CADM1: variants seen among roughly 807,000 people sequenced by gnomAD.
The protein encoded by CADM1 is cell adhesion molecule 1.
CADM1 carries 15 observed loss-of-function variants against 53.1 expected under a neutral mutation model. The ratio of observed to expected loss-of-function variants is 0.28; its 90% CI spans 0.19 to 0.44. CADM1 has a LOEUF of 0.44. Ranked by LOEUF, CADM1 falls within the 20% of genes least tolerant of loss-of-function variation. The pLI is 1.00. For missense variants in CADM1, 434 were observed against 611.3 expected (o/e 0.71, Z 3.06); for synonymous variants, 281 against 243.0 (o/e 1.16, Z -1.45).
chr11:115,408,622 T>A (rs946980623), intron 1 of CADM1, among the ~76,000 whole-genome samples: 3 of 152,182 alleles, frequency 2.0e-5, no homozygotes, highest in Admixed American at 6.5e-5. Flanking sequence ...CATATTACAT[T>A]ACAAAGGTTC....
At chr11:115,216,068 C>T in intron 6 of CADM1, among the ~76,000 whole-genome samples, 1 of 152,216 alleles carries the variant, frequency 6.6e-6, no homozygotes, top group East Asian at 1.9e-4. Context: ...GCCTGGCAAT[C>T]AGACGTAATG....
At position 115,176,213 on chromosome 11, in the gene CADM1, CA is replaced by C; in HGVS notation, c.*260del. ...TTCTGCAATCTACTGAAACTAAATC[CA>C]AGTATCCAAGTTTGACTTGGTAGGA... On this transcript the variant is annotated 3_prime_UTR_variant, in exon 12 of 12. Transcript: ENST00000331581. The C allele has an allele frequency of 1.6e-6, 2 of 1,229,668 alleles. No individual in the cohort carries two copies. The highest frequency in any genetic ancestry group is 2.1e-6 in the Non-Finnish European group (2 of 970,948). The allele number at this position is 1,229,668 out of a possible 1,614,324, so 76.2% of individuals were successfully genotyped here. A position where few individuals can be genotyped will look rare whatever the true frequency, so the allele number is the denominator to read the frequency against.
intron 1 of CADM1, among the ~76,000 whole-genome samples, chr11:115,435,237 A>G (rs987940956): frequency 6.6e-6 from 1 of 152,122 alleles, no homozygotes; most frequent in African/African-American, 2.4e-5. Flanking sequence ...TAAAGCTTCC[A>G]ATTAAGCAAC....
At chr11:115,231,596 C>T in intron 3 of CADM1, 106 bp from the exon 4 acceptor site, 6 of 1,040,022 alleles carry the variant, frequency 5.8e-6, no homozygotes, top group Non-Finnish European at 9.0e-6. Flanking sequence ...TTTAAATCAT[C>T]ACAAGAGGCG....
chr11:115,409,147 A>G (rs1018916253), intron 1 of CADM1, among the ~76,000 whole-genome samples: 5 of 152,236 alleles, frequency 3.3e-5, no homozygotes, highest in African/African-American at 1.2e-4. Context: ...CAAAAGCCAG[A>G]TAAGAAAGAA....
chr11:115,487,325 A>G (rs1949397027), intron 1 of CADM1, among the ~76,000 whole-genome samples: 1 of 152,228 alleles, frequency 6.6e-6, no homozygotes, highest in South Asian at 2.1e-4. Context: ...TTATAAGTAC[A>G]TTATATATTC....
chr11:115,274,929 G>A (rs940154877), intron 1 of CADM1, among the ~76,000 whole-genome samples: 1 of 152,036 alleles, frequency 6.6e-6, no homozygotes, highest in Non-Finnish European at 1.5e-5. Context: ...CCCTTCCCAC[G>A]AATTTGTCTC....
chr11:115,448,192 A>C (rs1039601467), intron 1 of CADM1, among the ~76,000 whole-genome samples: 8 of 152,170 alleles, frequency 5.3e-5, no homozygotes, highest in African/African-American at 1.9e-4. Context: ...TCTCATCCCT[A>C]TTCTTAAAAG....
At chr11:115,442,928 A>G (rs1948356088) in intron 1 of CADM1, among the ~76,000 whole-genome samples, 1 of 152,220 alleles carries the variant, frequency 6.6e-6, no homozygotes, top group Admixed American at 6.5e-5. Flanking sequence ...TTATAAGCTT[A>G]CTTGCATATT....
At chr11:115,211,276 G>C (rs1299911336) in intron 7 of CADM1, among the ~76,000 whole-genome samples, 4 of 151,890 alleles carry the variant, frequency 2.6e-5, no homozygotes, top group Admixed American at 1.3e-4. Context: ...AATGAACCAA[G>C]TGCACTGACC....
intron 1 of CADM1, among the ~76,000 whole-genome samples, chr11:115,475,921 A>G (rs1390489316): frequency 6.6e-6 from 1 of 152,220 alleles, no homozygotes; most frequent in Non-Finnish European, 1.5e-5. Context: ...TACCCAAAAA[A>G]AGTAAATTTC....
intron 1 of CADM1, among the ~76,000 whole-genome samples, chr11:115,431,855 G>A (rs896997309): frequency 1.1e-4 from 17 of 151,922 alleles, no homozygotes; most frequent in African/African-American, 3.4e-4. Context: ...TCTCCTCCAT[G>A]ACACTTGTAT....
intron 9 of CADM1, 81 bp downstream of exon 9, chr11:115,198,325 G>A (rs1220794408): frequency 9.8e-7 from 1 of 1,021,594 alleles, no homozygotes; most frequent in Admixed American, 2.0e-5. Flanking sequence ...TTCCCTTGAA[G>A]ACTACATTTC....
intron 1 of CADM1, among the ~76,000 whole-genome samples, chr11:115,346,890 T>A (rs1945593057): frequency 6.6e-6 from 1 of 151,976 alleles, no homozygotes; most frequent in Non-Finnish European, 1.5e-5. Flanking sequence ...TTGACCCAGA[T>A]CAGACTATGT....
intron 1 of CADM1, among the ~76,000 whole-genome samples, chr11:115,281,339 A>G (rs977006109): frequency 2.0e-5 from 3 of 150,782 alleles, no homozygotes; most frequent in South Asian, 4.1e-4. Context: ...AATTCAGCCA[A>G]AAGAGTTTAA....
Position 115,199,997 on chromosome 11 carries a change from G to T in CADM1, c.1079-1559C>A, listed in dbSNP as rs535205470. Among the ~76,000 whole-genome samples the T allele has an allele frequency of 7.9e-4, 121 of 152,260 alleles. 1 individual carries two copies. Among genetic ancestry groups the T allele is most frequent in the African/African-American group, 2.8e-3 (117 of 41,554 alleles). The stretch of plus-strand genomic sequence containing the variant: ...CTTCTGATGTATAAATGTGACACAT[G>T]AATTCACACCGGCATTCCCCTTCAG... On this transcript the variant is annotated intron_variant, in intron 8 of 11. Transcript: ENST00000331581.
chr11:115,503,488 G>T (rs1949778172), intron 1 of CADM1, among the ~76,000 whole-genome samples: 1 of 152,120 alleles, frequency 6.6e-6, no homozygotes, highest in Non-Finnish European at 1.5e-5. Flanking sequence ...GTCCCCACTC[G>T]TGGCAGAGGA....
chr11:115,300,082 T>C (rs759861951), intron 1 of CADM1, among the ~76,000 whole-genome samples: 3 of 152,130 alleles, frequency 2.0e-5, no homozygotes, highest in African/African-American at 4.8e-5. Flanking sequence ...CAACAGACTT[T>C]TTTTGGTTGA....
intron 1 of CADM1, among the ~76,000 whole-genome samples, chr11:115,315,777 G>A (rs1300243733): frequency 2.6e-5 from 4 of 151,968 alleles, no homozygotes; most frequent in Non-Finnish European, 5.9e-5. Context: ...TGAAAAAGAG[G>A]AAAAGTTTCT....
Sources: allele counts gnomAD v4.1 joint callset (sites outside exome capture counted in the v4.1 genomes callset), GRCh38; gene constraint gnomAD v4.1.1; transcripts MANE v1.5; gene names NCBI Gene and HGNC (gene_info 2026-07-23, HGNC 2026-07-21).